NR3C1: variants seen among roughly 807,000 people sequenced by gnomAD.
The protein encoded by NR3C1 is glucocorticoid receptor.
A neutral mutation model predicts 74.0 loss-of-function variants in NR3C1; 14 were observed. The observed-to-expected ratio is 0.19, with a 90% CI of 0.12 to 0.30. The LOEUF is 0.30. Among genes scored for constraint, NR3C1 ranks in the 10% least tolerant of loss-of-function variants. The pLI, the probability that NR3C1 is intolerant of heterozygous loss-of-function variation, is 1.00. For synonymous variants in NR3C1, 308 were observed against 332.5 expected (o/e 0.93, Z 0.80); for missense variants, 695 against 909.8 (o/e 0.76, Z 3.04).
At chr5:143,356,785 T>C (rs1831225553) in intron 2 of NR3C1, among the ~76,000 whole-genome samples, 1 of 152,110 alleles carries the variant, frequency 6.6e-6, no homozygotes, top group Non-Finnish European at 1.5e-5. Context: ...AAAAGCTCAG[T>C]GCTAATGATC....
intron 2 of NR3C1, among the ~76,000 whole-genome samples, chr5:143,363,345 T>C (rs1331998972): frequency 2.0e-5 from 3 of 152,152 alleles, no homozygotes; most frequent in Non-Finnish European, 4.4e-5. Flanking sequence ...TGTTACACTA[T>C]AATATTCAAA....
intron 1 of NR3C1, 75 bp from the exon 2 acceptor site, chr5:143,400,927 G>A (rs928961594): frequency 9.1e-7 from 1 of 1,102,454 alleles, no homozygotes; most frequent in African/African-American, 1.5e-5. Flanking sequence ...GATCCGATTA[G>A]TAAGAGGCAG....
intron 5 of NR3C1, among the ~76,000 whole-genome samples, chr5:143,299,894 C>G (rs1211281523): frequency 1.3e-5 from 2 of 152,196 alleles, no homozygotes; most frequent in African/African-American, 4.8e-5. Context: ...CTCTCCCTAA[C>G]TATTTGCGTG....
In NR3C1 at chr5:143,400,717, A is replaced by C. The variant is rs910784008; in HGVS notation, c.123T>G (p.Val41=). 2.5e-6 allele frequency: 4 copies of C among 1,614,174 alleles called. No homozygotes were observed. Among genetic ancestry groups the C allele is most frequent in the Non-Finnish European group, 3.4e-6 (4 of 1,180,026 alleles). Reference sequence around the variant, plus strand: ...CAGCCAGTGAGGGTGAAGACGCAGAAACCTTCACAGTAGCTCCTCCTCTTA... The same window carrying C: ...CAGCCAGTGAGGGTGAAGACGCAGACACCTTCACAGTAGCTCCTCCTCTTA... ...KTLRGGATVK[V]SASSPSLAVA... Residue 41 remains valine, a synonymous_variant, in exon 2 of 9, where the codon GTT becomes GTG. Coordinates refer to ENST00000394464, the MANE Select transcript of NR3C1 (RefSeq NM_000176.3).
intron 2 of NR3C1, among the ~76,000 whole-genome samples, chr5:143,372,838 T>C (rs904584233): frequency 4.6e-5 from 7 of 152,336 alleles, no homozygotes; most frequent in African/African-American, 1.4e-4. Context: ...ACATGCATAA[T>C]TTAACATACT....
intron 2 of NR3C1, among the ~76,000 whole-genome samples, chr5:143,393,978 A>G (rs923551713): frequency 6.6e-5 from 10 of 152,074 alleles, no homozygotes; most frequent in Non-Finnish European, 1.0e-4. Flanking sequence ...ATAAAAATTC[A>G]AGGTAAGATA....
chr5:143,337,798 A>G (rs1827431093), intron 2 of NR3C1, among the ~76,000 whole-genome samples: 1 of 152,234 alleles, frequency 6.6e-6, no homozygotes, highest in African/African-American at 2.4e-5. Context: ...TTCAAAATAT[A>G]CAAACTGAGT....
intron 1 of NR3C1, among the ~76,000 whole-genome samples, chr5:143,416,436 A>G (rs1841479281): frequency 6.6e-6 from 1 of 151,884 alleles, no homozygotes; most frequent in South Asian, 2.1e-4. Context: ...TACCACTTAG[A>G]GACTCCATTG....
intron 2 of NR3C1, among the ~76,000 whole-genome samples, chr5:143,343,202 G>C (rs529241363): frequency 6.6e-6 from 1 of 152,166 alleles, no homozygotes; most frequent in Non-Finnish European, 1.5e-5. Context: ...GCAGAGCCCA[G>C]AACTAGGAAA....
chr5:143,425,886 G>A lies in NR3C1; in HGVS notation c.-14+8646C>T, dbSNP rs73297867. Among the ~76,000 whole-genome samples the A allele has an allele frequency of 3.2e-3, 480 of 152,234 alleles. 5 individuals are homozygous for A. The highest frequency in any genetic ancestry group is 0.011 in the African/African-American group (468 of 41,548). ...ATTCAACTCCTAGGAATTTACCCAG[G>A]AGAAATAACATGTCTGCCCAAAAAC... On this transcript the variant is annotated intron_variant, in intron 1 of 8. Coordinates refer to the NR3C1 transcript ENST00000343796.
Position 143,314,062 on chromosome 5 carries a change from A to T in NR3C1, c.1291T>A (p.Cys431Ser), listed in dbSNP as rs1205493476. The change falls in exon 3 of 9, where the codon TGT becomes AGT. Residue 431 changes from cysteine (C) to serine (S), a missense_variant. Transcript: ENST00000394464. Reference sequence around the variant, plus strand: ...CCACAAGTTAAGACTCCATAATGACATCCTGAAGCTTCATCAGAGCACACC... The same window carrying T: ...CCACAAGTTAAGACTCCATAATGACTTCCTGAAGCTTCATCAGAGCACACC... ...CLVCSDEASG[C>S]HYGVLTCGSC... 1.2e-6 allele frequency: 2 copies of T among 1,613,830 alleles called. No homozygotes were observed. Among genetic ancestry groups the T allele is most frequent in the Non-Finnish European group, 1.7e-6 (2 of 1,179,738 alleles).
At position 143,400,733 on chromosome 5, in the gene NR3C1, C is replaced by G; in HGVS notation, c.107G>C (p.Gly36Ala). 1 of 1,614,204 alleles carries G rather than the reference C, an allele frequency of 6.2e-7. No homozygotes were observed. Among genetic ancestry groups the G allele is most frequent in the Non-Finnish European group, 8.5e-7 (1 of 1,180,042 alleles). Residue 36 changes from glycine to alanine, a missense_variant, in exon 2 of 9, where the codon GGA becomes GCA. By Grantham distance (60) the Gly-to-Ala change is moderately conservative. Around this residue, in one of 4 missense-constraint regions of NR3C1, gnomAD observed 497 missense variants for 489.5 expected, o/e 1.02. Coordinates refer to ENST00000394464, the MANE Select transcript of NR3C1 (RefSeq NM_000176.3). ...VMDFYKTLRG[G>A]ATVKVSASSP... ...AGACGCAGAAACCTTCACAGTAGCTCCTCCTCTTAGGGTTTTATAGAAGTC... is the reference window on the plus strand; with the variant it reads ...AGACGCAGAAACCTTCACAGTAGCTGCTCCTCTTAGGGTTTTATAGAAGTC...
chr5:143,349,778 C>T (rs1829924206), intron 2 of NR3C1, among the ~76,000 whole-genome samples: 1 of 152,272 alleles, frequency 6.6e-6, no homozygotes, highest in African/African-American at 2.4e-5. Context: ...CCTTTGCTCT[C>T]CCAAAACTTT....
intron 2 of NR3C1, among the ~76,000 whole-genome samples, chr5:143,338,732 G>A (rs1198527205): frequency 3.3e-5 from 5 of 152,024 alleles, no homozygotes; most frequent in Admixed American, 1.3e-4. Flanking sequence ...GTAGGCTAAG[G>A]TTAATTTATT....
At chr5:143,295,805 T>C (rs1262904714) in intron 6 of NR3C1, among the ~76,000 whole-genome samples, 1 of 152,232 alleles carries the variant, frequency 6.6e-6, no homozygotes, top group Non-Finnish European at 1.5e-5. Flanking sequence ...AATAATCTAA[T>C]GTAACAGTGG....
chr5:143,375,045 G>A (rs1439219681), intron 2 of NR3C1, among the ~76,000 whole-genome samples: 1 of 152,124 alleles, frequency 6.6e-6, no homozygotes, highest in Non-Finnish European at 1.5e-5. Flanking sequence ...ACTCTAGGCA[G>A]ACATCAGGTC....
chr5:143,379,504 C>T (rs1835806303), intron 2 of NR3C1, among the ~76,000 whole-genome samples: 1 of 152,122 alleles, frequency 6.6e-6, no homozygotes, highest in South Asian at 2.1e-4. Flanking sequence ...TTTAAATACA[C>T]CTGATTCCTA....
chr5:143,349,770 T>G (rs986885772), intron 2 of NR3C1, among the ~76,000 whole-genome samples: 2 of 152,140 alleles, frequency 1.3e-5, no homozygotes, highest in Non-Finnish European at 2.9e-5. Flanking sequence ...AACATGAACC[T>G]TTGCTCTCCC....
chr5:143,346,800 C>T (rs1435264115), intron 2 of NR3C1, among the ~76,000 whole-genome samples: 1 of 152,146 alleles, frequency 6.6e-6, no homozygotes, highest in Non-Finnish European at 1.5e-5. Flanking sequence ...ACGTAGCATG[C>T]CATTGTTCAA....
Sources: allele counts gnomAD v4.1 joint callset (sites outside exome capture counted in the v4.1 genomes callset), GRCh38; gene constraint gnomAD v4.1.1; regional missense constraint gnomAD v4.1.1; transcripts MANE v1.5; gene names NCBI Gene and HGNC (gene_info 2026-07-23, HGNC 2026-07-21).